Variants in OR52E4 observed in about 807,000 individuals in gnomAD.
OR52E4 encodes olfactory receptor 52E4.
For missense variants in OR52E4, 444 were observed against 383.8 expected, an observed-to-expected ratio of 1.16 and a Z score of -1.31; for synonymous variants, 169 against 137.4, an observed-to-expected ratio of 1.23 and a Z score of -1.61.
At position 5,886,857 on chromosome 11, in the gene OR52E4, A is replaced by G. The variant is rs1364141061; in HGVS notation, c.*1626A>G. 1.3e-5 allele frequency: 2 copies of G among 152,122 alleles called. No homozygotes were observed. Among genetic ancestry groups the G allele is most frequent in the Non-Finnish European group, 2.9e-5 (2 of 68,014 alleles). The allele number at this position is 152,122 out of a possible 1,614,324, so 9.4% of individuals were successfully genotyped here. The stretch of plus-strand genomic sequence containing the variant: ...GTAGACAAGAAAAGCAACATCACCT[A>G]TTCAGTATCTGTGAATCTGGACAGT... On this transcript the variant is annotated 3_prime_UTR_variant, in exon 2 of 2. Transcript: ENST00000641726.
Position 5,884,200 on chromosome 11 carries a change from A to G in OR52E4, c.-74-19A>G. On this transcript the variant is annotated intron_variant, in intron 1 of 1. Transcript: ENST00000641726. ...CCATTACCTCTAGCACACTGATAAG[A>G]GTCTTTCTGTTTCTTCAGGAACTTG... The G allele has an allele frequency of 1.2e-6, 1 of 845,856 alleles. No homozygotes were observed. The highest frequency in any genetic ancestry group is 2.4e-5 in the East Asian group (1 of 41,404). 52.4% of individuals were successfully genotyped at this position (845,856 alleles called of 1,614,324 possible).
At chr11:5,882,261 T>G (rs1178495450) in intron 1 of OR52E4, among the ~76,000 whole-genome samples, 2 of 152,114 alleles carry the variant, frequency 1.3e-5, no homozygotes, top group African/African-American at 4.8e-5. Flanking sequence ...CTTTGAATTT[T>G]ACTGTCAGAG....
At chr11:5,881,190 T>G (rs1277262729) in intron 1 of OR52E4, among the ~76,000 whole-genome samples, 1 of 152,084 alleles carries the variant, frequency 6.6e-6, no homozygotes, top group African/African-American at 2.4e-5. Context: ...GTCTGTAAAG[T>G]TTTATTCTCT....
rs1847022415 is a variant in OR52E4 at position 5,885,084 on chromosome 11, T to A, written c.792T>A (p.Arg264=). 1 of 1,613,524 alleles carries A rather than the reference T, an allele frequency of 6.2e-7. No homozygotes were observed. The highest frequency in any genetic ancestry group is 8.5e-7 in the Non-Finnish European group (1 of 1,179,704). ...TPAFFSFMTH[R]FGQNIPHYIH... ...CATTTTTTTCTTTTATGACACATCG[T>A]TTTGGCCAAAACATTCCCCACTATA... The change falls in exon 2 of 2, where the codon CGT becomes CGA. Residue 264 remains arginine (R), a synonymous_variant. Coordinates refer to ENST00000641726, the MANE Select transcript of OR52E4 (RefSeq NM_001005165.2).
rs746836457 is a variant in OR52E4 at position 5,884,432 on chromosome 11, T to C, written c.140T>C (p.Ile47Thr). The change falls in exon 2 of 2, where the codon ATT becomes ACT. Residue 47 changes from isoleucine to threonine, a missense_variant. By Grantham distance (89) the Ile-to-Thr change is moderately conservative. Transcript: ENST00000641726. ...YLIAIVGNMT[I>T]LFVIKTEHSL... is the part of the protein sequence containing the mutation. ...ATTGCCATTGTGGGGAATATGACCA[T>C]TCTCTTTGTGATCAAAACTGAACAT... 1 of 1,613,526 alleles carries C rather than the reference T, an allele frequency of 6.2e-7. No individual in the cohort carries two copies. The highest frequency in any genetic ancestry group is 8.5e-7 in the Non-Finnish European group (1 of 1,179,614).
rs1226134668 is a variant in OR52E4 at position 5,884,943 on chromosome 11, T to G, written c.651T>G (p.Ser217=). The change falls in exon 2 of 2, where the codon TCT becomes TCG. Residue 217 remains serine (S), a synonymous_variant. Coordinates refer to ENST00000641726, the MANE Select transcript of OR52E4 (RefSeq NM_001005165.2). The part of the protein sequence containing the change: ...YIIVDVILIA[S]SYVLILRAVF... ...TTGTGGATGTGATCTTAATTGCCTC[T>G]TCCTATGTGCTTATCCTTAGAGCTG... 1 of 1,612,864 alleles carries G rather than the reference T, an allele frequency of 6.2e-7. No homozygotes were observed. Among genetic ancestry groups the G allele is most frequent in the South Asian group, 1.1e-5 (1 of 91,068 alleles).
chr11:5,882,862 C>T (rs1224370555), intron 1 of OR52E4, among the ~76,000 whole-genome samples: 1 of 152,016 alleles, frequency 6.6e-6, no homozygotes, highest in African/African-American at 2.4e-5. Flanking sequence ...ATGATTACCC[C>T]TGGTTCTCAA....
At chr11:5,882,288 A>G (rs147462210) in intron 1 of OR52E4, among the ~76,000 whole-genome samples, 151 of 152,150 alleles carry the variant, frequency 9.9e-4, no homozygotes, top group African/African-American at 3.5e-3. Context: ...CCTCTTTGCC[A>G]TCTCCCTGGG....
At chr11:5,882,698 G>GTCTCTCTC (rs779364972) in intron 1 of OR52E4, among the ~76,000 whole-genome samples, 3 of 109,038 alleles carry the variant, frequency 2.8e-5, no homozygotes, top group Admixed American at 8.2e-5. Flanking sequence ...AACCTTCTCC[G>GTCTCTCTC]TCTCTCTCTC....
At chr11:5,884,141 T>TGAGTC (rs1455696017) in intron 1 of OR52E4, 78 bp from the exon 2 acceptor site, 2 of 614,274 alleles carry the variant, frequency 3.3e-6, no homozygotes, top group Non-Finnish European at 5.8e-6. Context: ...TGGAAAGAAG[T>TGAGTC]GAGTCTTGAA....
chr11:5,880,775 A>T (rs891131776), intron 1 of OR52E4, 61 bp downstream of exon 1: 40 of 152,236 alleles, frequency 2.6e-4, no homozygotes, highest in African/African-American at 9.4e-4. Flanking sequence ...AGGGCAAATG[A>T]GGATAGAGAG....
In OR52E4 at chr11:5,886,971, T is replaced by G. The variant is rs926276612; in HGVS notation, c.*1740T>G. The G allele has an allele frequency of 6.6e-6, 1 of 152,086 alleles. No individual in the cohort carries two copies. The highest frequency in any genetic ancestry group is 2.4e-5 in the African/African-American group (1 of 41,430). The allele number at this position is 152,086 out of a possible 1,614,324, so 9.4% of individuals were successfully genotyped here. On this transcript the variant is annotated 3_prime_UTR_variant, in exon 2 of 2. Coordinates refer to ENST00000641726, the MANE Select transcript of OR52E4 (RefSeq NM_001005165.2). ...AGGTCTGTATGCATGGGTTCTAATTTGATTTTTGCAGCTTCTGCTTCATGT... is the reference window on the plus strand; with the variant it reads ...AGGTCTGTATGCATGGGTTCTAATTGGATTTTTGCAGCTTCTGCTTCATGT...
rs1044658429 is a variant in OR52E4 at position 5,880,653 on chromosome 11, G to A, written c.-136G>A. 1.3e-5 allele frequency: 2 copies of A among 152,190 alleles called. No homozygotes were observed. The highest frequency in any genetic ancestry group is 2.9e-5 in the Non-Finnish European group (2 of 68,068). 9.4% of individuals were successfully genotyped at this position (152,190 alleles called of 1,614,324 possible). On this transcript the variant is annotated 5_prime_UTR_variant, in exon 1 of 2. Transcript: ENST00000641726. ...AGGGGAACCTAATCACGGTCTTTAA[G>A]AACCTGGACTCATGCTCCAATTCTG...
rs562727735 is a variant in OR52E4, at chr11:5,886,900, G to A, written c.*1669G>A. 1.2e-4 allele frequency: 18 copies of A among 152,188 alleles called. No individual in the cohort carries two copies. In the East Asian group the frequency reaches 2.5e-3, roughly 21 times the overall value. 9.4% of individuals were successfully genotyped at this position (152,188 alleles called of 1,614,324 possible). On this transcript the variant is annotated 3_prime_UTR_variant, in exon 2 of 2. Coordinates refer to ENST00000641726, the MANE Select transcript of OR52E4 (RefSeq NM_001005165.2). Reference sequence around the variant, plus strand: ...TGGACAGTTCTTGGTCTTAACACTGGCTAAGCACAATTCCTGAATTCTATA... The same window carrying A: ...TGGACAGTTCTTGGTCTTAACACTGACTAAGCACAATTCCTGAATTCTATA...
Position 5,885,180 on chromosome 11 carries a change from G to T in OR52E4, c.888G>T (p.Arg296Ser), listed in dbSNP as rs1480177628. 6.2e-7 allele frequency: 1 copy of T among 1,607,424 alleles called. No individual in the cohort carries two copies. The highest frequency in any genetic ancestry group is 1.1e-5 in the South Asian group (1 of 89,462). ...PALNPVIYGV[R>S]TKQIREQIVK... is the part of the protein sequence containing the mutation. ...TTAACCCTGTCATTTATGGAGTCAG[G>T]ACCAAGCAGATCCGAGAGCAAATTG... The change falls in exon 2 of 2, where the codon AGG becomes AGT. Residue 296 changes from arginine (R) to serine (S), a missense_variant. Arg to Ser is a moderately radical substitution (Grantham distance 110). Transcript: ENST00000641726.
At chr11:5,880,773 T>C (rs1414833836) in intron 1 of OR52E4, 59 bp downstream of exon 1, 1 of 152,154 alleles carries the variant, frequency 6.6e-6, no homozygotes, top group East Asian at 1.9e-4. Flanking sequence ...AGAGGGCAAA[T>C]GAGGATAGAG....
At chr11:5,882,101 A>G (rs1020643519) in intron 1 of OR52E4, among the ~76,000 whole-genome samples, 1 of 152,102 alleles carries the variant, frequency 6.6e-6, no homozygotes, top group African/African-American at 2.4e-5. Context: ...GTCAATGTGC[A>G]TATCTAGAGA....
At chr11:5,882,307 T>C (rs1461061193) in intron 1 of OR52E4, among the ~76,000 whole-genome samples, 1 of 152,038 alleles carries the variant, frequency 6.6e-6, no homozygotes, top group Non-Finnish European at 1.5e-5. Context: ...GGAATGTTTT[T>C]CTCAGCTGGC....
rs751116613 is a variant in OR52E4, at chr11:5,884,748, A to G, written c.456A>G (p.Gly152=). 1 of 1,613,582 alleles carries G rather than the reference A, an allele frequency of 6.2e-7. No homozygotes were observed. The highest frequency in any genetic ancestry group is 8.5e-7 in the Non-Finnish European group (1 of 1,179,764). ...TISILASVVV[G]RNLVLVTPFV... is the part of the protein sequence containing the mutation. ...GTATCCTAGCTTCTGTGGTTGTTGG[A>G]AGAAATTTAGTTCTTGTAACCCCAT... is the stretch of plus-strand genomic sequence containing the variant. The change falls in exon 2 of 2, where the codon GGA becomes GGG. Residue 152 remains glycine (G), a synonymous_variant. Coordinates refer to ENST00000641726, the MANE Select transcript of OR52E4 (RefSeq NM_001005165.2).
Sources: gnomAD v4.1 joint callset for allele counts (sites outside exome capture counted in the v4.1 genomes callset) on GRCh38, gnomAD v4.1.1 for gene constraint, MANE v1.5 for transcripts, NCBI Gene and HGNC (gene_info 2026-07-23, HGNC 2026-07-21) for gene names.